The following NEGR1 variants were observed in gnomAD, a reference collection of about 807,000 sequenced individuals.
NEGR1 encodes IgLON family member 4.
A neutral mutation model predicts 40.9 loss-of-function variants in NEGR1; 10 were observed. The ratio of observed to expected loss-of-function variants is 0.24; its 90% CI spans 0.15 to 0.42. The LOEUF is 0.42. Ranked by LOEUF, NEGR1 falls within the 10% of genes least tolerant of loss-of-function variation. The pLI is 1.00. For synonymous variants in NEGR1, 185 were observed against 166.8 expected (o/e 1.11, Z -0.84); for missense variants, 352 against 438.9 (o/e 0.80, Z 1.77).
rs1553150124 is a variant in NEGR1 at position 71,559,019 on chromosome 1, GTATATATA to G, written c.940+33790_940+33797del. The stretch of plus-strand genomic sequence containing the variant: ...ATTTATTTATCTTCTCTGTGTGTGT[GTATATATA>G]TATATATATATATATATACACATAT... On this transcript the variant is annotated intron_variant, in intron 6 of 6. Coordinates refer to ENST00000357731, the MANE Select transcript of NEGR1 (RefSeq NM_173808.3). Among the ~76,000 whole-genome samples, 93 of 114,090 alleles carry G rather than the reference GTATATATA, an allele frequency of 8.2e-4. No individual in the cohort carries two copies. The East Asian group carries it at 8.4e-3, about 10-fold the overall frequency. 74.8% of individuals were successfully genotyped at this position (114,090 alleles called of 152,430 possible). A position where few individuals can be genotyped will look rare whatever the true frequency, so the allele number is the denominator to read the frequency against.
chr1:72,169,571 G>A (rs552048594), intron 1 of NEGR1, among the ~76,000 whole-genome samples: 3 of 151,854 alleles, frequency 2.0e-5, no homozygotes, highest in South Asian at 2.1e-4. Flanking sequence ...ATATTATTTC[G>A]GCTTCTGAAC....
chr1:71,492,064 G>A (rs1237606062), intron 6 of NEGR1, among the ~76,000 whole-genome samples: 1 of 152,080 alleles, frequency 6.6e-6, no homozygotes, highest in Non-Finnish European at 1.5e-5. Flanking sequence ...CTTGGAAGCA[G>A]CAATGAAGCC....
At chr1:71,992,399 A>G (rs1646461768) in intron 1 of NEGR1, among the ~76,000 whole-genome samples, 1 of 152,168 alleles carries the variant, frequency 6.6e-6, no homozygotes, top group Admixed American at 6.6e-5. Context: ...AATGTTCATA[A>G]TTACATATCT....
intron 1 of NEGR1, among the ~76,000 whole-genome samples, chr1:72,062,552 T>C (rs547506325): frequency 6.6e-6 from 1 of 151,960 alleles, no homozygotes; most frequent in African/African-American, 2.4e-5. Context: ...GAGCATGAAA[T>C]AAAGTGGTTA....
intron 1 of NEGR1, among the ~76,000 whole-genome samples, chr1:72,020,307 A>G (rs1646745834): frequency 6.6e-6 from 1 of 152,200 alleles, no homozygotes. Context: ...CCTCAAGCCA[A>G]TCTTGAAGGC....
chr1:71,578,356 C>T (rs2101501489), intron 6 of NEGR1, among the ~76,000 whole-genome samples: 1 of 152,206 alleles, frequency 6.6e-6, no homozygotes, highest in Middle Eastern at 3.4e-3. Context: ...TGATCTGGGG[C>T]TGGTGACAGT....
chr1:72,030,214 A>C lies in NEGR1; in HGVS notation c.177-94903T>G, dbSNP rs190486154. On this transcript the variant is annotated intron_variant, in intron 1 of 6. Transcript: ENST00000357731. The stretch of plus-strand genomic sequence containing the variant: ...GATACTTTTTTTTTTTTTCTTTTTG[A>C]GATGGAGTCTTGCTCTGTCACCCAA... 5.0e-3 allele frequency among the ~76,000 whole-genome samples: 741 copies of C among 149,452 alleles called. 3 individuals carry two copies. Among genetic ancestry groups the C allele is most frequent in the African/African-American group, 0.017 (681 of 40,564 alleles).
chr1:71,608,495 CT>C lies in NEGR1; in HGVS notation c.788+2530del, dbSNP rs5775073. Among the ~76,000 whole-genome samples, 344 of 138,610 alleles carry C rather than the reference CT, an allele frequency of 2.5e-3. 1 individual carries two copies. The highest frequency in any genetic ancestry group is 8.1e-3 in the African/African-American group (305 of 37,732). 90.9% of individuals were successfully genotyped at this position (138,610 alleles called of 152,430 possible). On this transcript the variant is annotated intron_variant, in intron 5 of 6. Transcript: ENST00000357731. ...GAAAGTGGACCGAGGATTACTGTAG[CT>C]TTTTTTTTTTTTTTGACAATGGTTG...
At chr1:71,750,699 G>T (rs1170892475) in intron 3 of NEGR1, among the ~76,000 whole-genome samples, 1 of 152,046 alleles carries the variant, frequency 6.6e-6, no homozygotes, top group Non-Finnish European at 1.5e-5. Flanking sequence ...ATAACATGTG[G>T]GAATGGTAGG....
At chr1:71,921,307 G>GA (rs933620947) in intron 2 of NEGR1, among the ~76,000 whole-genome samples, 6 of 152,006 alleles carry the variant, frequency 3.9e-5, no homozygotes, top group African/African-American at 1.2e-4. Context: ...GAAATTTTAA[G>GA]AAAAAATCTT....
chr1:71,925,231 G>A (rs1181702736), intron 2 of NEGR1, among the ~76,000 whole-genome samples: 1 of 152,176 alleles, frequency 6.6e-6, no homozygotes, highest in Non-Finnish European at 1.5e-5. Flanking sequence ...TCCAGAGAAG[G>A]GGTCTACAAA....
chr1:72,134,490 C>T (rs945492131), intron 1 of NEGR1, among the ~76,000 whole-genome samples: 10 of 151,892 alleles, frequency 6.6e-5, no homozygotes, highest in African/African-American at 2.4e-4. Flanking sequence ...AAGCGTGAGC[C>T]ACCGCACCTG....
chr1:72,116,723 TA>T (rs1649594990), intron 1 of NEGR1, among the ~76,000 whole-genome samples: 1 of 151,730 alleles, frequency 6.6e-6, no homozygotes, highest in African/African-American at 2.4e-5. Flanking sequence ...ATTATATAAA[TA>T]AGTAGCATTT....
chr1:71,628,106 T>C (rs1252722244), intron 4 of NEGR1, among the ~76,000 whole-genome samples: 1 of 152,072 alleles, frequency 6.6e-6, no homozygotes, highest in African/African-American at 2.4e-5. Flanking sequence ...CTTTCTATTT[T>C]TATATGTCAT....
At chr1:71,963,391 C>G (rs918119272) in intron 1 of NEGR1, among the ~76,000 whole-genome samples, 10 of 152,126 alleles carry the variant, frequency 6.6e-5, no homozygotes, top group Non-Finnish European at 1.5e-4. Flanking sequence ...CTATTCACGT[C>G]TTTTAGGTGG....
At chr1:72,250,730 T>C (rs1655059473) in intron 1 of NEGR1, among the ~76,000 whole-genome samples, 1 of 152,152 alleles carries the variant, frequency 6.6e-6, no homozygotes, top group South Asian at 2.1e-4. Flanking sequence ...TTAAGGGTGA[T>C]TACATGTGCT....
At chr1:71,476,179 A>G (rs1308514874) in intron 6 of NEGR1, among the ~76,000 whole-genome samples, 1 of 152,138 alleles carries the variant, frequency 6.6e-6, no homozygotes, top group East Asian at 1.9e-4. Flanking sequence ...GTTTATCTAA[A>G]GAAAATATGA....
chr1:71,760,596 A>T (rs1252608379), intron 3 of NEGR1, among the ~76,000 whole-genome samples: 1 of 152,202 alleles, frequency 6.6e-6, no homozygotes. Flanking sequence ...CAAAAGCTCC[A>T]CATAGAATGC....
intron 6 of NEGR1, among the ~76,000 whole-genome samples, chr1:71,495,807 G>T (rs1646959255): frequency 6.6e-6 from 1 of 152,126 alleles, no homozygotes; most frequent in Admixed American, 6.5e-5. Context: ...TGGCAAGAAG[G>T]CATCAATCAT....
Sources: allele counts gnomAD v4.1 joint callset (sites outside exome capture counted in the v4.1 genomes callset), GRCh38; gene constraint gnomAD v4.1.1; transcripts MANE v1.5; gene names NCBI Gene and HGNC (gene_info 2026-07-23, HGNC 2026-07-21).